The following NSMAF variants were observed in gnomAD, a reference collection of about 807,000 sequenced individuals.
The protein encoded by NSMAF is neutral sphingomyelinase activation associated factor.
Under a neutral mutation model 134.9 loss-of-function variants are expected in NSMAF, and 90 were observed. That is an observed-to-expected ratio of 0.67 (90% CI 0.56 to 0.79). The LOEUF (loss-of-function observed/expected upper bound fraction) is 0.79, where lower values mean the gene tolerates loss of function less well. NSMAF is among the 30% of genes least tolerant of loss of function. The pLI, the probability that NSMAF is intolerant of heterozygous loss-of-function variation, is 0.00. For missense variants in NSMAF, 1,010 were observed against 1,119.0 expected, an observed-to-expected ratio of 0.90 and a Z score of 1.39; for synonymous variants, 358 against 389.6, an observed-to-expected ratio of 0.92 and a Z score of 0.96.
intron 2 of NSMAF, among the ~76,000 whole-genome samples, chr8:58,636,284 A>G (rs1237643813): frequency 6.6e-6 from 1 of 152,338 alleles, no homozygotes; most frequent in East Asian, 1.9e-4. Context: ...AAAATTATTG[A>G]CATCATATAC....
rs1188060513 is a variant in NSMAF at position 58,658,263 on chromosome 8, C to T, written c.59+1310G>A. The stretch of plus-strand genomic sequence containing the variant: ...TGCATTACAAATTCAGTCAGAAGGG[C>T]ATCCCCAAGTGTGAGTTACATAGTT... On this transcript the variant is annotated intron_variant, in intron 1 of 30. Transcript: ENST00000038176. Among the ~76,000 whole-genome samples, 3 of 152,212 alleles carry T rather than the reference C, an allele frequency of 2.0e-5. No individual in the cohort carries two copies. In the East Asian group the frequency reaches 5.8e-4, roughly 29 times the overall value.
At chr8:58,617,379 C>A (rs148714602) in intron 9 of NSMAF, among the ~76,000 whole-genome samples, 2,286 of 152,266 alleles carry the variant, frequency 0.015, 37 homozygotes, top group East Asian at 0.079. Flanking sequence ...AGGCAACCTA[C>A]AGAATGGGAG....
intron 21 of NSMAF, 145 bp downstream of exon 21, chr8:58,597,242 G>C: frequency 1.4e-6 from 1 of 730,800 alleles, no homozygotes; most frequent in Non-Finnish European, 2.3e-6. Flanking sequence ...ACAGGTATCT[G>C]TTTTCAGGAG....
intron 10 of NSMAF, among the ~76,000 whole-genome samples, chr8:58,609,131 G>C (rs1008128321): frequency 2.0e-5 from 3 of 152,214 alleles, no homozygotes; most frequent in Non-Finnish European, 2.9e-5. Context: ...TAGCTGGGAG[G>C]ACCTGCTCAT....
At chr8:58,623,597 G>A in intron 7 of NSMAF, 112 bp downstream of exon 7, 2 of 1,092,078 alleles carry the variant, frequency 1.8e-6, no homozygotes, top group Non-Finnish European at 2.7e-6. Flanking sequence ...AAGTCAATCT[G>A]CTACATATTT....
rs987103176 is a variant in NSMAF at position 58,627,536 on chromosome 8, C to T, written c.385-3756G>A. Among the ~76,000 whole-genome samples, 7 of 152,110 alleles carry T rather than the reference C, an allele frequency of 4.6e-5. No homozygotes were observed. The East Asian group carries it at 1.2e-3, about 25-fold the overall frequency. On this transcript the variant is annotated intron_variant, in intron 6 of 30. Transcript: ENST00000038176. ...TCTCCAGATAGAAAATCAATGTACA[C>T]AAATCAGTAGCACTGCTATACACCA...
At chr8:58,647,210 A>C (rs974613191) in intron 1 of NSMAF, among the ~76,000 whole-genome samples, 1 of 152,234 alleles carries the variant, frequency 6.6e-6, no homozygotes, top group Non-Finnish European at 1.5e-5. Context: ...AGGAAAGCAC[A>C]GGAGTGCTGT....
At chr8:58,615,152 A>G (rs1563532953) in intron 9 of NSMAF, among the ~76,000 whole-genome samples, 1 of 152,198 alleles carries the variant, frequency 6.6e-6, no homozygotes, top group African/African-American at 2.4e-5. Context: ...GACATTACGC[A>G]TCTTAATGTA....
chr8:58,637,017 TACACACACAC>T (rs34638032), intron 2 of NSMAF, among the ~76,000 whole-genome samples: 1 of 146,910 alleles, frequency 6.8e-6, no homozygotes, highest in African/African-American at 2.6e-5. Flanking sequence ...ATTAAGATTA[TACACACACAC>T]ACACACACAC....
Position 58,626,116 on chromosome 8 carries a change from A to C in NSMAF, c.385-2336T>G, listed in dbSNP as rs143437399. On this transcript the variant is annotated intron_variant, in intron 6 of 30. Transcript: ENST00000038176. ...CTTTTTTTTTTTTTTTTTTTTTGAG[A>C]TGGAGTCTCACTGTGTCACCCAGGC... 7.6e-3 allele frequency among the ~76,000 whole-genome samples: 672 copies of C among 88,150 alleles called. 3 individuals are homozygous for C. The highest frequency in any genetic ancestry group is 0.012 in the Non-Finnish European group (565 of 48,808). 57.8% of individuals were successfully genotyped at this position (88,150 alleles called of 152,430 possible).
At chr8:58,628,645 C>A (rs1001691091) in intron 6 of NSMAF, among the ~76,000 whole-genome samples, 5 of 152,144 alleles carry the variant, frequency 3.3e-5, no homozygotes, top group Non-Finnish European at 5.9e-5. Context: ...AATTCCTACA[C>A]TTTCATGTTG....
chr8:58,613,036 A>T (rs1806566297), intron 9 of NSMAF, among the ~76,000 whole-genome samples: 1 of 152,222 alleles, frequency 6.6e-6, no homozygotes, highest in African/African-American at 2.4e-5. Flanking sequence ...TGAGAGAATT[A>T]ATCTCTAATG....
Position 58,619,578 on chromosome 8 carries a change from TAG to T in NSMAF, c.557+3640_557+3641del, listed in dbSNP as rs1806736444. On this transcript the variant is annotated intron_variant, in intron 9 of 30. Transcript: ENST00000038176. The stretch of plus-strand genomic sequence containing the variant: ...AATATACAGTTAATGGAATTGGTCA[TAG>T]AGTTTAATAGGGTTGCTGAAAACAA... 2.0e-5 allele frequency among the ~76,000 whole-genome samples: 3 copies of T among 152,314 alleles called. No homozygotes were observed. In the South Asian group the frequency reaches 6.2e-4, roughly 32 times the overall value.
At chr8:58,590,728 T>C in intron 24 of NSMAF, 139 bp downstream of exon 24, 2 of 882,966 alleles carry the variant, frequency 2.3e-6, no homozygotes, top group Non-Finnish European at 1.6e-6. Flanking sequence ...TTAGAAGTAA[T>C]CTAACTAAGG....
At chr8:58,607,878 C>T in intron 10 of NSMAF, 38 bp from the exon 11 acceptor site, 1 of 1,524,176 alleles carries the variant, frequency 6.6e-7, no homozygotes, top group Non-Finnish European at 9.1e-7. Context: ...CATTATTGTT[C>T]TGACACAATT....
chr8:58,589,808 C>G lies in NSMAF; in HGVS notation c.2087+199G>C, dbSNP rs183990605. 4.4e-4 allele frequency: 266 copies of G among 601,594 alleles called. 2 individuals carry two copies. In the African/African-American group the frequency reaches 4.7e-3, roughly 11 times the overall value. 37.3% of individuals were successfully genotyped at this position (601,594 alleles called of 1,614,324 possible). ...CCTCAATTTAAAACTTAGAGAAAAA[C>G]AGACTCCAATTGGAGAAATTATTCA... On this transcript the variant is annotated intron_variant, in intron 25 of 30. Transcript: ENST00000038176.
At chr8:58,631,310 G>A (rs368209030) in intron 6 of NSMAF, 186 bp downstream of exon 6, 1 of 355,570 alleles carries the variant, frequency 2.8e-6, no homozygotes, top group Non-Finnish European at 5.2e-6. Context: ...AAGTCAAAAA[G>A]TTAATTGAAT....
chr8:58,614,454 G>T (rs577086314), intron 9 of NSMAF, among the ~76,000 whole-genome samples: 12 of 152,360 alleles, frequency 7.9e-5, no homozygotes, highest in African/African-American at 2.9e-4. Flanking sequence ...CCACCTGGGT[G>T]CCATAGTGAA....
At chr8:58,614,605 C>T (rs1038399778) in intron 9 of NSMAF, among the ~76,000 whole-genome samples, 1 of 152,220 alleles carries the variant, frequency 6.6e-6, no homozygotes, top group Non-Finnish European at 1.5e-5. Context: ...TCCCTGCTTT[C>T]ACACCACTGT....
Sources: allele counts gnomAD v4.1 joint callset (sites outside exome capture counted in the v4.1 genomes callset), GRCh38; gene constraint gnomAD v4.1.1; transcripts MANE v1.5; gene names NCBI Gene and HGNC (gene_info 2026-07-23, HGNC 2026-07-21).